The following SMC5 variants were observed in gnomAD, a reference collection of about 807,000 sequenced individuals.
SMC5 encodes the protein structural maintenance of chromosomes protein 5.
Under a neutral mutation model 148.3 loss-of-function variants are expected in SMC5, and 88 were observed. That is an observed-to-expected ratio of 0.59 (90% CI 0.50 to 0.71). The LOEUF (loss-of-function observed/expected upper bound fraction) is 0.71. Among genes scored for constraint, SMC5 ranks in the 30% least tolerant of loss-of-function variants. The pLI is 0.00. For synonymous variants in SMC5, 421 were observed against 432.8 expected, an observed-to-expected ratio of 0.97 and a Z score of 0.34; for missense variants, 1,142 against 1,298.9, an observed-to-expected ratio of 0.88 and a Z score of 1.86.
chr9:70,318,084 T>C (rs1260426286), intron 13 of SMC5, among the ~76,000 whole-genome samples: 1 of 151,896 alleles, frequency 6.6e-6, no homozygotes, highest in African/African-American at 2.4e-5. Flanking sequence ...TTTTGTTGGA[T>C]AGGTTAAAAA....
intron 10 of SMC5, 51 bp from the exon 11 acceptor site, chr9:70,305,196 A>G (rs2035464011): frequency 2.6e-6 from 2 of 755,778 alleles, no homozygotes; most frequent in East Asian, 5.1e-5. Flanking sequence ...ACATGTTTTA[A>G]TAATCAGTTG....
chr9:70,342,246 G>A (rs1479782733), intron 17 of SMC5, among the ~76,000 whole-genome samples: 1 of 116,290 alleles, frequency 8.6e-6, no homozygotes, highest in Non-Finnish European at 1.7e-5. Flanking sequence ...TTGTGGGGTG[G>A]GGGGAGGGGG....
intron 8 of SMC5, among the ~76,000 whole-genome samples, chr9:70,291,368 G>A (rs1459710460): frequency 6.6e-6 from 1 of 152,108 alleles, no homozygotes; most frequent in African/African-American, 2.4e-5. Context: ...TCCTAAGATT[G>A]TTGAAAACTT....
intron 11 of SMC5, among the ~76,000 whole-genome samples, chr9:70,313,830 G>A (rs1210285665): frequency 6.6e-6 from 1 of 151,984 alleles, no homozygotes; most frequent in Admixed American, 6.6e-5. Flanking sequence ...CTGGAATCGT[G>A]GGTAATAACA....
intron 10 of SMC5, 24 bp downstream of exon 10, chr9:70,300,224 T>A: frequency 6.4e-7 from 1 of 1,565,546 alleles, no homozygotes; most frequent in South Asian, 1.2e-5. Context: ...TTCATCTTGG[T>A]AGTATTGGTT....
Position 70,286,262 on chromosome 9 carries a change from AG to A in SMC5, c.1045del (p.Asp349IlefsTer11), listed in dbSNP as rs1462377136. ...AGAAGCAAGATGTTATAGAAAGGAA[AG>A]ATAAACATGTAAGGTTTCATACTAA... The part of the protein sequence containing the change: ...KQKQDVIERK[D>X]KHIEELQQAL... On this transcript the variant is annotated frameshift_variant, in exon 8 of 25. Transcript: ENST00000361138. LOFTEE classifies it high-confidence loss of function. 3 of 1,598,640 alleles carry A rather than the reference AG, an allele frequency of 1.9e-6. No individual in the cohort carries two copies. The African/African-American group carries it at 4.0e-5, about 22-fold the overall frequency.
At chr9:70,343,362 A>G (rs1219562531) in intron 17 of SMC5, among the ~76,000 whole-genome samples, 2 of 152,180 alleles carry the variant, frequency 1.3e-5, no homozygotes, top group Non-Finnish European at 2.9e-5. Context: ...ATAGGTTCTC[A>G]GTAATTATTT....
Position 70,278,535 on chromosome 9 carries a change from C to G in SMC5, c.588C>G (p.Leu196=). ...EFAKLSKIEL[L]EATEKSIGPP... ...CTAAACTCAGCAAAATTGAACTCCTCGAAGCCACTGAAAAGTCAATTGGTC... is the reference window on the plus strand; with the variant it reads ...CTAAACTCAGCAAAATTGAACTCCTGGAAGCCACTGAAAAGTCAATTGGTC... Residue 196 remains leucine, a synonymous_variant, in exon 5 of 25, where the codon CTC becomes CTG. Transcript: ENST00000361138. The G allele has an allele frequency of 6.2e-7, 1 of 1,611,498 alleles. No homozygotes were observed. The highest frequency in any genetic ancestry group is 1.1e-5 in the South Asian group (1 of 90,630).
At chr9:70,350,037 A>G in intron 22 of SMC5, 77 bp from the exon 23 acceptor site, 1 of 1,072,722 alleles carries the variant, frequency 9.3e-7, no homozygotes, top group Non-Finnish European at 1.3e-6. Flanking sequence ...TACTCAGTTA[A>G]TTCAATCCAT....
At chr9:70,298,497 C>T (rs908421913) in intron 9 of SMC5, among the ~76,000 whole-genome samples, 7 of 152,024 alleles carry the variant, frequency 4.6e-5, no homozygotes, top group Non-Finnish European at 1.0e-4. Context: ...CAAAGTCACT[C>T]ACTATTACTC....
intron 17 of SMC5, among the ~76,000 whole-genome samples, chr9:70,338,673 A>G (rs1473004634): frequency 1.3e-5 from 2 of 152,080 alleles, no homozygotes; most frequent in Admixed American, 1.3e-4. Flanking sequence ...CAGTGTTCCT[A>G]CCATTGTTCA....
At chr9:70,268,778 C>T (rs2034363612) in intron 3 of SMC5, among the ~76,000 whole-genome samples, 1 of 152,124 alleles carries the variant, frequency 6.6e-6, no homozygotes, top group African/African-American at 2.4e-5. Flanking sequence ...CTTGGTACTT[C>T]TGTCACCATT....
intron 11 of SMC5, 88 bp from the exon 12 acceptor site, chr9:70,314,654 G>T: frequency 1.8e-6 from 1 of 559,026 alleles, no homozygotes; most frequent in South Asian, 5.3e-5. Context: ...TCCATCCCAC[G>T]AATGCCAGTA....
chr9:70,309,914 A>G (rs1376272689), intron 11 of SMC5, among the ~76,000 whole-genome samples: 1 of 152,200 alleles, frequency 6.6e-6, no homozygotes, highest in Non-Finnish European at 1.5e-5. Context: ...CAGTGGCACA[A>G]TCTTGGCTCA....
At chr9:70,264,623 T>C (rs1180102) in intron 2 of SMC5, among the ~76,000 whole-genome samples, 178 bp downstream of exon 2, 34,575 of 152,066 alleles carry the variant, frequency 0.23, 4,140 homozygotes, top group African/African-American at 0.29. Flanking sequence ...GTATTTTGGA[T>C]CATAATACTA....
In SMC5 at chr9:70,277,421, A is replaced by G; in HGVS notation, c.492A>G (p.Lys164=). Residue 164 remains lysine (K), a synonymous_variant, in exon 4 of 25, where the codon AAA becomes AAG. Coordinates refer to ENST00000361138, the MANE Select transcript of SMC5 (RefSeq NM_015110.4). ...KSTTQKIVEE[K]VAALNIQVGN... is the part of the protein sequence containing the mutation. ...CAACCCAGAAAATAGTGGAAGAGAA[A>G]GTTGCAGCCTTAAATATTCAAGTGG... The G allele has an allele frequency of 6.2e-7, 1 of 1,603,376 alleles. No individual in the cohort carries two copies. The highest frequency in any genetic ancestry group is 2.3e-5 in the East Asian group (1 of 44,030).
chr9:70,336,016 T>A (rs1214804512), intron 17 of SMC5, among the ~76,000 whole-genome samples: 1 of 152,186 alleles, frequency 6.6e-6, no homozygotes, highest in Non-Finnish European at 1.5e-5. Context: ...TTAAACCTGT[T>A]CACGTATTCA....
At chr9:70,290,465 G>A (rs868101976) in intron 8 of SMC5, among the ~76,000 whole-genome samples, 2 of 152,146 alleles carry the variant, frequency 1.3e-5, no homozygotes, top group Non-Finnish European at 2.9e-5. Flanking sequence ...CTAGGACAAA[G>A]ACTAAATATA....
intron 1 of SMC5, 99 bp from the exon 2 acceptor site, chr9:70,264,201 TTAGC>T: frequency 5.1e-6 from 5 of 979,422 alleles, no homozygotes; most frequent in Non-Finnish European, 7.2e-6. Flanking sequence ...ATTTGTAAGG[TTAGC>T]TAGTTTTTAA....
Sources: gnomAD v4.1 joint callset for allele counts (sites outside exome capture counted in the v4.1 genomes callset) on GRCh38, gnomAD v4.1.1 for gene constraint, MANE v1.5 for transcripts, NCBI Gene and HGNC (gene_info 2026-07-23, HGNC 2026-07-21) for gene names.